The following FPGS variants were observed in gnomAD, a reference collection of about 807,000 sequenced individuals.
The protein encoded by FPGS is folylpolyglutamate synthase, mitochondrial.
Under a neutral mutation model 66.5 loss-of-function variants are expected in FPGS, and 53 were observed. The ratio of observed to expected loss-of-function variants is 0.80; its 90% CI spans 0.64 to 1.00. FPGS has a LOEUF of 1.00. Among genes scored for constraint, FPGS ranks in the 50% least tolerant of loss-of-function variants. The pLI is 0.00. For missense variants in FPGS, 702 were observed against 807.7 expected (o/e 0.87, Z 1.59); for synonymous variants, 348 against 350.9 (o/e 0.99, Z 0.09).
In FPGS at chr9:127,813,378, G is replaced by T; in HGVS notation, c.1538G>T (p.Ser513Ile). The change falls in exon 15 of 15, where the codon AGC (serine) becomes ATC (isoleucine). Residue 513 changes from serine to isoleucine, a missense_variant. This residue lies in a region of FPGS where 351 missense variants were observed against 363.7 expected (regional missense o/e 0.97). Coordinates refer to ENST00000373247, the MANE Select transcript of FPGS (RefSeq NM_004957.6). ...CACCCACCCCACACCTGCAGTGCCA[G>T]CTCCCTCGTCTTCAGCTGCATTTCA... Reference protein sequence around the residue: ...APHPPHTCSASSLVFSCISHA... With the variant: ...APHPPHTCSAISLVFSCISHA... The T allele has an allele frequency of 6.2e-7, 1 of 1,611,426 alleles. No individual in the cohort carries two copies.
chr9:127,810,118 A>C lies in FPGS; in HGVS notation c.1287+12A>C, dbSNP rs1216840124. On this transcript the variant is annotated intron_variant, in intron 13 of 14. Transcript: ENST00000373247. ...TGAAGCTGCTGCAGGTGAGGGGCCAACTTGGGGGTGGGCGGCAGGCAGTCC... is the reference window on the plus strand; with the variant it reads ...TGAAGCTGCTGCAGGTGAGGGGCCACCTTGGGGGTGGGCGGCAGGCAGTCC... 4 of 1,611,678 alleles carry C rather than the reference A, an allele frequency of 2.5e-6. No homozygotes were observed. Among genetic ancestry groups the C allele is most frequent in the East Asian group, 4.5e-5 (2 of 44,842 alleles).
chr9:127,803,109 T>G lies in FPGS; in HGVS notation c.138+47T>G. 5.3e-6 allele frequency: 7 copies of G among 1,321,734 alleles called. No homozygotes were observed. The South Asian group carries it at 1.3e-4, about 25-fold the overall frequency. 81.9% of individuals were successfully genotyped at this position (1,321,734 alleles called of 1,614,324 possible). A position where few individuals can be genotyped will look rare whatever the true frequency, so the allele number is the denominator to read the frequency against. The stretch of plus-strand genomic sequence containing the variant: ...CAGCGGGCCTGGGCGCGACGACACG[T>G]GGGCCTGCGCTGAGCCGCAGAACAT... On this transcript the variant is annotated intron_variant, in intron 1 of 14. Coordinates refer to ENST00000373247, the MANE Select transcript of FPGS (RefSeq NM_004957.6).
chr9:127,808,788 C>T lies in FPGS; in HGVS notation c.971-12C>T, dbSNP rs1389722582. 6.4e-7 allele frequency: 1 copy of T among 1,556,058 alleles called. No homozygotes were observed. Among genetic ancestry groups the T allele is most frequent in the Non-Finnish European group, 8.7e-7 (1 of 1,149,692 alleles). ...AGGGTCCCGGACACACTTGGTCTCA[C>T]ACACCCCGCAGGTGCTGGGGAGCCA... On this transcript the variant is annotated splice_polypyrimidine_tract_variant and intron_variant, in intron 10 of 14. Transcript: ENST00000373247.
Position 127,802,952 on chromosome 9 carries a change from G to C in FPGS, c.28G>C (p.Ala10Pro). The C allele has an allele frequency of 2.1e-6, 3 of 1,411,352 alleles. No homozygotes were observed. The highest frequency in any genetic ancestry group is 1.5e-5 in the African/African-American group (1 of 66,288). The allele number at this position is 1,411,352 out of a possible 1,614,324, so 87.4% of individuals were successfully genotyped here. Residue 10 changes from alanine to proline, a missense_variant, in exon 1 of 15, where the codon GCC becomes CCC. Coordinates refer to ENST00000373247, the MANE Select transcript of FPGS (RefSeq NM_004957.6). MSRARSHLR[A>P]ALFLAAASAR... is the part of the protein sequence containing the mutation. ...GTCGCGGGCGCGGAGCCACCTGCGC[G>C]CCGCTCTATTCCTGGCAGCGGCGTC... is the stretch of plus-strand genomic sequence containing the variant.
At chr9:127,803,611 C>G (rs1346532657) in intron 1 of FPGS, among the ~76,000 whole-genome samples, 1 of 152,118 alleles carries the variant, frequency 6.6e-6, no homozygotes, top group African/African-American at 2.4e-5. Flanking sequence ...AGACCAGACC[C>G]TGATGCCAGT....
rs1805068968 is a variant in FPGS, at chr9:127,813,636, C to T, written c.*32C>T. 3 of 1,500,272 alleles carry T rather than the reference C, an allele frequency of 2.0e-6. No homozygotes were observed. The highest frequency in any genetic ancestry group is 2.7e-6 in the Non-Finnish European group (3 of 1,124,700). The allele number at this position is 1,500,272 out of a possible 1,614,324, so 92.9% of individuals were successfully genotyped here. A position where few individuals can be genotyped will look rare whatever the true frequency, so the allele number is the denominator to read the frequency against. ...CCCGGGGTTGGAGGTGGGAGCTTCC[C>T]ACACCTGCCTGCGTTCTCCCCATGA... On this transcript the variant is annotated 3_prime_UTR_variant, in exon 15 of 15. Transcript: ENST00000373247.
rs1255154520 is a variant in FPGS at position 127,804,486 on chromosome 9, C to CT, written c.268-12dup. On this transcript the variant is annotated splice_polypyrimidine_tract_variant and intron_variant, in intron 2 of 14. Coordinates refer to ENST00000373247, the MANE Select transcript of FPGS (RefSeq NM_004957.6). ...CCCGTAGCTGAGGCAGGGACCTTGT[C>CT]TGTCTGTCCCAGGTGGAGGACTTGG... 1.9e-6 allele frequency: 3 copies of CT among 1,614,036 alleles called. No individual in the cohort carries two copies. The African/African-American group carries it at 4.0e-5, about 22-fold the overall frequency.
chr9:127,810,441 C>T (rs374034894), intron 13 of FPGS, among the ~76,000 whole-genome samples: 1 of 152,092 alleles, frequency 6.6e-6, no homozygotes. Flanking sequence ...CCTCAGTTTG[C>T]CTCTCCGTAA....
chr9:127,810,193 C>A, intron 13 of FPGS, 87 bp downstream of exon 13: 1 of 1,112,228 alleles, frequency 9.0e-7, no homozygotes, highest in Non-Finnish European at 1.3e-6. Context: ...AATCCCCTCC[C>A]CCTTGAGTTG....
chr9:127,807,622 C>G lies in FPGS; in HGVS notation c.678C>G (p.Ile226Met). 2.5e-6 allele frequency: 4 copies of G among 1,610,770 alleles called. No individual in the cohort carries two copies. Among genetic ancestry groups the G allele is most frequent in the Non-Finnish European group, 3.4e-6 (4 of 1,179,026 alleles). Residue 226 changes from isoleucine to methionine, a missense_variant, in exon 8 of 15, where the codon ATC becomes ATG. Ile to Met is a conservative substitution (Grantham distance 10). This residue lies in a region of FPGS where 240 missense variants were observed against 348.6 expected (regional missense o/e 0.69). Coordinates refer to ENST00000373247, the MANE Select transcript of FPGS (RefSeq NM_004957.6). This position sits in a 1 kb window ranked among gnomAD's most constrained non-coding sequence, Gnocchi z 5.8. ...TGTGCGGAGTCTCCTCTCTTGGCAT[C>G]GACCACACCAGCCTCCTGGGGGATA... ...PVVCGVSSLGIDHTSLLGDTV... is the reference protein window; with the variant it reads ...PVVCGVSSLGMDHTSLLGDTV...
At chr9:127,803,180 G>A in intron 1 of FPGS, 118 bp downstream of exon 1, 1 of 1,232,874 alleles carries the variant, frequency 8.1e-7, no homozygotes, top group Non-Finnish European at 1.0e-6. Flanking sequence ...TGGACTGGGG[G>A]ACTCGGGGGG....
At chr9:127,804,915 G>A (rs1361051552) in intron 4 of FPGS, 1 of 543,364 alleles carries the variant, frequency 1.8e-6, no homozygotes, top group Non-Finnish European at 3.3e-6. Context: ...TTGAGACTGA[G>A]TCTCACTCTA....
Position 127,808,308 on chromosome 9 carries a change from C to A in FPGS, c.819C>A (p.Ile273=), listed in dbSNP as rs1363434940. 15 of 1,613,398 alleles carry A rather than the reference C, an allele frequency of 9.3e-6. No individual in the cohort carries two copies. Among genetic ancestry groups the A allele is most frequent in the Non-Finnish European group, 1.3e-5 (15 of 1,179,436 alleles). ...TGCTGAGGGACCGAGCCCAGCAGAT[C>A]TCAGTAAGTCTGATTGGAATGGGGC... is the stretch of plus-strand genomic sequence containing the variant. The part of the protein sequence containing the change: ...LAVLRDRAQQ[I]SCPLYLCPML... Residue 273 remains isoleucine (I), a synonymous_variant, in exon 9 of 15, where the codon ATC becomes ATA. Coordinates refer to ENST00000373247, the MANE Select transcript of FPGS (RefSeq NM_004957.6).
Position 127,813,825 on chromosome 9 carries a change from GTC to G in FPGS, c.*226_*227del, listed in dbSNP as rs2131865342. ...CTGAGATAGCAGAGGGGCTCCCCGGGTCTCTCACTGTTGCAGTGGCCTGGCCG... is the reference window on the plus strand; with the variant it reads ...CTGAGATAGCAGAGGGGCTCCCCGGGTCTCACTGTTGCAGTGGCCTGGCCG... On this transcript the variant is annotated 3_prime_UTR_variant, in exon 15 of 15. Transcript: ENST00000373247. 7.9e-6 allele frequency: 10 copies of G among 1,261,240 alleles called. No homozygotes were observed. The highest frequency in any genetic ancestry group is 3.3e-5 in the South Asian group (1 of 30,578). 78.1% of individuals were successfully genotyped at this position (1,261,240 alleles called of 1,614,324 possible).
Position 127,807,354 on chromosome 9 carries a change from G to C in FPGS, c.580-67G>C. ...AACGGGAACCTCAGCAGGCCTGGGG[G>C]CTCCCTGCTTCCATGCGGCCTCTGG... On this transcript the variant is annotated intron_variant, in intron 6 of 14. Transcript: ENST00000373247. This position sits in a 1 kb window ranked among gnomAD's most constrained non-coding sequence, Gnocchi z 5.8. 1 of 1,611,188 alleles carries C rather than the reference G, an allele frequency of 6.2e-7. No individual in the cohort carries two copies. The highest frequency in any genetic ancestry group is 8.5e-7 in the Non-Finnish European group (1 of 1,177,588).
At chr9:127,814,100 C>T (rs1830215499), downstream of FPGS, 2 of 986,560 alleles carry the variant, frequency 2.0e-6, no homozygotes, top group Non-Finnish European at 2.4e-6. Context: ...CCCCTGCTCC[C>T]TCAGCAGAGA....
At chr9:127,808,946 ATTTT>A (rs543518198) in intron 11 of FPGS, 57 bp downstream of exon 11, 1,146 of 884,938 alleles carry the variant, frequency 1.3e-3, no homozygotes, top group Middle Eastern at 2.1e-3. Context: ...GCCCCTTCAG[ATTTT>A]TTTTTTTTTT....
At chr9:127,809,574 G>A in intron 11 of FPGS, 110 bp from the exon 12 acceptor site, 1 of 1,128,596 alleles carries the variant, frequency 8.9e-7, no homozygotes, top group Non-Finnish European at 1.2e-6. Context: ...GGTCCTGAGT[G>A]TTGAGGGCGG....
intron 13 of FPGS, 100 bp downstream of exon 13, chr9:127,810,206 T>A: frequency 9.8e-7 from 1 of 1,023,148 alleles, no homozygotes; most frequent in Non-Finnish European, 1.5e-6. Flanking sequence ...TTGAGTTGTA[T>A]TGAGGATTAG....
Sources: allele counts gnomAD v4.1 joint callset (sites outside exome capture counted in the v4.1 genomes callset), GRCh38; gene constraint gnomAD v4.1.1; regional missense constraint gnomAD v4.1.1; non-coding constraint Gnocchi (gnomAD v3.1); transcripts MANE v1.5; gene names NCBI Gene and HGNC (gene_info 2026-07-23, HGNC 2026-07-21).